CSMD1: variants seen among roughly 807,000 people sequenced by gnomAD.
The protein encoded by CSMD1 is CUB and Sushi multiple domains 1.
Under a neutral mutation model 417.5 loss-of-function variants are expected in CSMD1, and 213 were observed. The ratio of observed to expected loss-of-function variants is 0.51; its 90% confidence interval spans 0.46 to 0.57. The LOEUF is 0.57. Among genes scored for constraint, CSMD1 ranks in the 20% least tolerant of loss-of-function variants. The probability of loss-of-function intolerance (pLI) is 0.00; values close to 1 mark genes in which losing one functional copy is unlikely to be tolerated. For missense variants in CSMD1, 6,923 were observed against 4,529.7 expected (o/e 1.53, Z -15.17); for synonymous variants, 2,862 against 1,736.8 (o/e 1.65, Z -16.11).
At chr8:3,486,309 A>C (rs1818032395) in intron 11 of CSMD1, among the ~76,000 whole-genome samples, 1 of 152,204 alleles carries the variant, frequency 6.6e-6, no homozygotes, top group Non-Finnish European at 1.5e-5. Context: ...GCAACAATCC[A>C]TTGAGGGTAA....
intron 1 of CSMD1, among the ~76,000 whole-genome samples, chr8:4,660,331 TG>T (rs1466127792): frequency 6.6e-6 from 1 of 151,516 alleles, no homozygotes; most frequent in Non-Finnish European, 1.5e-5. Context: ...AATACTTAGG[TG>T]TAAATCTAGC....
At chr8:4,393,618 G>C (rs536899674) in intron 3 of CSMD1, among the ~76,000 whole-genome samples, 1 of 152,100 alleles carries the variant, frequency 6.6e-6, no homozygotes, top group Non-Finnish European at 1.5e-5. Flanking sequence ...AAGTGTCATT[G>C]ATTAAATTAT....
At chr8:4,370,529 G>A (rs1235901728) in intron 3 of CSMD1, among the ~76,000 whole-genome samples, 1 of 152,208 alleles carries the variant, frequency 6.6e-6, no homozygotes, top group Non-Finnish European at 1.5e-5. Flanking sequence ...ATGTTCAAAT[G>A]TGTTTCTCAA....
intron 5 of CSMD1, among the ~76,000 whole-genome samples, chr8:3,939,133 C>T (rs1229647042): frequency 1.3e-5 from 2 of 152,076 alleles, no homozygotes; most frequent in East Asian, 1.9e-4. Flanking sequence ...AAAAACTGTT[C>T]TTGCCCTGTG....
intron 2 of CSMD1, among the ~76,000 whole-genome samples, chr8:4,479,414 A>AACTAG (rs1800970761): frequency 6.6e-6 from 1 of 152,120 alleles, no homozygotes; most frequent in Non-Finnish European, 1.5e-5. Context: ...TTCAGTAATT[A>AACTAG]AGAAACCAGA....
intron 5 of CSMD1, among the ~76,000 whole-genome samples, chr8:3,856,989 C>T (rs951588727): frequency 6.6e-6 from 1 of 151,840 alleles, no homozygotes; most frequent in Non-Finnish European, 1.5e-5. Context: ...TTTTTATTTG[C>T]ACAGAGAAAT....
chr8:3,059,282 C>A (rs1000868842), intron 49 of CSMD1, among the ~76,000 whole-genome samples: 4 of 148,374 alleles, frequency 2.7e-5, no homozygotes, highest in Admixed American at 2.0e-4. Context: ...CCTTAAAAAA[C>A]CAGGATAAAC....
intron 3 of CSMD1, among the ~76,000 whole-genome samples, chr8:4,141,216 A>C (rs1803770518): frequency 6.6e-6 from 1 of 151,146 alleles, no homozygotes; most frequent in Non-Finnish European, 1.5e-5. Flanking sequence ...GAAAGACTGG[A>C]AACCTTCACA....
At chr8:3,631,029 A>G (rs1796758104) in intron 7 of CSMD1, among the ~76,000 whole-genome samples, 1 of 152,132 alleles carries the variant, frequency 6.6e-6, no homozygotes. Flanking sequence ...TGAAAACGCA[A>G]TCATGCTTCT....
chr8:3,595,449 A>C (rs954965830), intron 8 of CSMD1, among the ~76,000 whole-genome samples: 1 of 152,202 alleles, frequency 6.6e-6, no homozygotes, highest in Non-Finnish European at 1.5e-5. Flanking sequence ...GCCTTAAGGC[A>C]GTTTAACACC....
chr8:4,968,317 A>G (rs1419935694), intron 1 of CSMD1, among the ~76,000 whole-genome samples: 1 of 152,116 alleles, frequency 6.6e-6, no homozygotes, highest in Admixed American at 6.6e-5. Context: ...TGACATTAAG[A>G]ACATTCACAA....
At chr8:3,174,229 C>G (rs772767398) in intron 37 of CSMD1, among the ~76,000 whole-genome samples, 3 of 152,200 alleles carry the variant, frequency 2.0e-5, no homozygotes, top group Admixed American at 2.0e-4. Context: ...CACAGTGGCT[C>G]AAGCCTGTAA....
intron 2 of CSMD1, among the ~76,000 whole-genome samples, chr8:4,527,522 G>C (rs540943266): frequency 2.0e-5 from 3 of 152,102 alleles, no homozygotes; most frequent in African/African-American, 7.2e-5. Context: ...TTTCCAAAAC[G>C]CAGGTTATCC....
At chr8:4,440,329 G>C (rs1416245626) in intron 2 of CSMD1, among the ~76,000 whole-genome samples, 2 of 152,058 alleles carry the variant, frequency 1.3e-5, no homozygotes, top group Non-Finnish European at 2.9e-5. Context: ...CTATTAACTG[G>C]GAAGCATGTA....
At chr8:3,390,411 G>A (rs1811281250) in intron 17 of CSMD1, among the ~76,000 whole-genome samples, 1 of 147,488 alleles carries the variant, frequency 6.8e-6, no homozygotes, top group Non-Finnish European at 1.5e-5. Flanking sequence ...TATCTCCAAT[G>A]GAACAATACA....
rs532896627 is a variant in CSMD1, at chr8:3,804,100, T to A, written c.819-50058A>T. Among the ~76,000 whole-genome samples, 11 of 152,098 alleles carry A rather than the reference T, an allele frequency of 7.2e-5. No homozygotes were observed. The South Asian group carries it at 1.7e-3, about 23-fold the overall frequency. On this transcript the variant is annotated intron_variant, in intron 5 of 69. Transcript: ENST00000635120. ...CACCACCACATCCAGCTATTTTTTT[T>A]GTTATATTTTTAGTAGAGACAGGGT...
intron 23 of CSMD1, among the ~76,000 whole-genome samples, chr8:3,325,409 G>A (rs975063844): frequency 6.6e-6 from 1 of 152,212 alleles, no homozygotes; most frequent in Admixed American, 6.5e-5. Context: ...TAAGTCGTAA[G>A]CCTTGAGTTG....
intron 3 of CSMD1, among the ~76,000 whole-genome samples, chr8:4,086,621 C>A (rs543797743): frequency 1.3e-5 from 2 of 152,164 alleles, no homozygotes; most frequent in Non-Finnish European, 2.9e-5. Context: ...AATGCAGACG[C>A]GAGACTTTTC....
intron 3 of CSMD1, among the ~76,000 whole-genome samples, chr8:4,292,841 A>G (rs922501747): frequency 6.6e-6 from 1 of 152,180 alleles, no homozygotes; most frequent in Non-Finnish European, 1.5e-5. Flanking sequence ...GGTCCCTAAG[A>G]ATAGAGATGG....
Sources: allele counts gnomAD v4.1 joint callset (sites outside exome capture counted in the v4.1 genomes callset), GRCh38; gene constraint gnomAD v4.1.1; transcripts MANE v1.5; gene names NCBI Gene and HGNC (gene_info 2026-07-23, HGNC 2026-07-21).